GRID2: variants seen among roughly 807,000 people sequenced by gnomAD.
The protein encoded by GRID2 is glutamate ionotropic receptor delta type subunit 2.
In GRID2, 33 loss-of-function variants were observed where a neutral mutation model predicts 114.8. The observed-to-expected ratio is 0.29, with a 90% CI of 0.22 to 0.38. GRID2 has a LOEUF of 0.38. Among genes scored for constraint, GRID2 ranks in the 10% least tolerant of loss-of-function variants. The pLI is 1.00. For missense variants in GRID2, 1,184 were observed against 1,257.7 expected (o/e 0.94, Z 0.89); for synonymous variants, 505 against 449.9 (o/e 1.12, Z -1.55).
intron 1 of GRID2, among the ~76,000 whole-genome samples, chr4:92,362,172 G>A (rs1195467415): frequency 1.3e-5 from 2 of 151,972 alleles, no homozygotes; most frequent in Non-Finnish European, 2.9e-5. Context: ...TGCTCATGCT[G>A]TTTGGGCTCT....
At chr4:92,814,187 G>A (rs1043724206) in intron 2 of GRID2, among the ~76,000 whole-genome samples, 2 of 152,046 alleles carry the variant, frequency 1.3e-5, no homozygotes, top group African/African-American at 4.8e-5. Context: ...CTTGATCCTT[G>A]GATTGGATCT....
intron 11 of GRID2, among the ~76,000 whole-genome samples, chr4:93,463,831 T>A (rs1723993261): frequency 6.6e-6 from 1 of 151,832 alleles, no homozygotes; most frequent in African/African-American, 2.4e-5. Flanking sequence ...CTACTAAAAA[T>A]ACAAAAAATT....
At chr4:93,728,600 A>G (rs940914808) in intron 14 of GRID2, among the ~76,000 whole-genome samples, 8 of 152,116 alleles carry the variant, frequency 5.3e-5, no homozygotes, top group African/African-American at 1.4e-4. Flanking sequence ...AAAGTCTCCC[A>G]TTATTATTGT....
At chr4:92,473,964 TTGTGTGTGTG>T (rs59328379) in intron 1 of GRID2, among the ~76,000 whole-genome samples, 265 of 144,432 alleles carry the variant, frequency 1.8e-3, no homozygotes, top group African/African-American at 4.7e-3. Context: ...GTTATCTTGG[TTGTGTGTGTG>T]TGTGTGTGTG....
Position 93,453,228 on chromosome 4 carries a change from T to C in GRID2, c.1546-2434T>C, listed in dbSNP as rs540344794. The stretch of plus-strand genomic sequence containing the variant: ...AGTAAGGACTACCACATACTCATTA[T>C]CCATTACAGTGTTCTGCTGTATCAT... On this transcript the variant is annotated intron_variant, in intron 10 of 15. Coordinates refer to ENST00000282020, the MANE Select transcript of GRID2 (RefSeq NM_001510.4). 4.6e-5 allele frequency among the ~76,000 whole-genome samples: 7 copies of C among 151,808 alleles called. No homozygotes were observed. The South Asian group carries it at 1.2e-3, about 27-fold the overall frequency.
chr4:92,305,976 C>T (rs771693542), intron 1 of GRID2, among the ~76,000 whole-genome samples: 1 of 152,148 alleles, frequency 6.6e-6, no homozygotes, highest in Non-Finnish European at 1.5e-5. Context: ...ACAGATGGGT[C>T]ACAGCTTCTC....
intron 11 of GRID2, among the ~76,000 whole-genome samples, chr4:93,468,586 G>A (rs576144194): frequency 8.9e-4 from 135 of 152,056 alleles, no homozygotes; most frequent in Non-Finnish European, 1.8e-3. Flanking sequence ...ATCAGGTATA[G>A]GGAAGTTCAA....
intron 8 of GRID2, among the ~76,000 whole-genome samples, chr4:93,251,794 T>G (rs985088584): frequency 6.6e-6 from 1 of 152,158 alleles, no homozygotes; most frequent in Non-Finnish European, 1.5e-5. Flanking sequence ...ATTAGTATGC[T>G]AAGGATAATG....
intron 9 of GRID2, among the ~76,000 whole-genome samples, chr4:93,408,371 CTT>C (rs5860330): frequency 3.4e-5 from 5 of 148,630 alleles, no homozygotes; most frequent in South Asian, 2.1e-4. Flanking sequence ...TGCTCATTTT[CTT>C]TTTTTTTTTA....
rs184563699 is a variant in GRID2, at chr4:92,600,144, A to T, written c.244+9858A>T. ...AGGTGGGGAAGCAGTTGACAAATCA[A>T]AGTCAGAAACAATCTTAGTATAGAG... On this transcript the variant is annotated intron_variant, in intron 2 of 15. Transcript: ENST00000282020. Among the ~76,000 whole-genome samples the T allele has an allele frequency of 1.2e-4, 17 of 145,580 alleles. 1 individual carries two copies. In the East Asian group the frequency reaches 3.2e-3, roughly 28 times the overall value.
chr4:92,400,232 A>G (rs1342767861), intron 1 of GRID2, among the ~76,000 whole-genome samples: 1 of 152,146 alleles, frequency 6.6e-6, no homozygotes, highest in Non-Finnish European at 1.5e-5. Context: ...CAAAAAAGAA[A>G]ACCTCTATCC....
intron 4 of GRID2, among the ~76,000 whole-genome samples, chr4:93,157,977 C>G (rs1032850985): frequency 6.6e-6 from 1 of 151,756 alleles, no homozygotes. Flanking sequence ...AGCGTTAAGC[C>G]AAGCATGACT....
intron 6 of GRID2, chr4:93,217,183 C>A: frequency 4.5e-6 from 1 of 223,034 alleles, no homozygotes; most frequent in Admixed American, 5.2e-5. Context: ...TAACATTTCC[C>A]ACAGGAGAAT....
intron 1 of GRID2, among the ~76,000 whole-genome samples, chr4:92,436,786 C>T (rs1050415995): frequency 1.5e-4 from 23 of 152,006 alleles, no homozygotes; most frequent in Non-Finnish European, 3.2e-4. Context: ...AAACAATCTC[C>T]TAAATGCCTG....
At chr4:92,847,291 C>A (rs1467377139) in intron 2 of GRID2, among the ~76,000 whole-genome samples, 1 of 152,028 alleles carries the variant, frequency 6.6e-6, no homozygotes, top group Non-Finnish European at 1.5e-5. Flanking sequence ...AGAATCTCAA[C>A]CCCCAGCACT....
At chr4:93,458,034 A>G (rs1412740525) in intron 11 of GRID2, among the ~76,000 whole-genome samples, 1 of 152,166 alleles carries the variant, frequency 6.6e-6, no homozygotes, top group Non-Finnish European at 1.5e-5. Context: ...GATCACACAG[A>G]GTAGTTGCTC....
chr4:93,590,647 G>C (rs1738156744), intron 13 of GRID2, among the ~76,000 whole-genome samples: 1 of 152,138 alleles, frequency 6.6e-6, no homozygotes, highest in Non-Finnish European at 1.5e-5. Context: ...ACCTTGGGCA[G>C]TATGGCCATT....
chr4:93,105,566 T>A (rs933775049), intron 3 of GRID2, among the ~76,000 whole-genome samples: 2 of 152,182 alleles, frequency 1.3e-5, no homozygotes, highest in African/African-American at 4.8e-5. Context: ...TGAAATGGAA[T>A]CTCAGTGGGC....
intron 2 of GRID2, among the ~76,000 whole-genome samples, chr4:93,018,234 A>C (rs1277310593): frequency 1.5e-4 from 23 of 151,812 alleles, no homozygotes; most frequent in Non-Finnish European, 2.8e-4. Context: ...AAAAAAAAAA[A>C]AAAACCTACA....
Sources: gnomAD v4.1 joint callset for allele counts (sites outside exome capture counted in the v4.1 genomes callset) on GRCh38, gnomAD v4.1.1 for gene constraint, MANE v1.5 for transcripts, NCBI Gene and HGNC (gene_info 2026-07-23, HGNC 2026-07-21) for gene names.